The following RNF130 variants were observed in gnomAD, a reference collection of about 807,000 sequenced individuals.
The protein encoded by RNF130 is E3 ubiquitin-protein ligase RNF130.
A neutral mutation model predicts 44.6 loss-of-function variants in RNF130; 21 were observed. That is an observed-to-expected ratio of 0.47 (90% CI 0.33 to 0.68). RNF130 has a LOEUF of 0.68. Ranked by LOEUF, RNF130 falls within the 30% of genes least tolerant of loss-of-function variation. RNF130 has a pLI of 0.02. For missense variants in RNF130, 479 were observed against 560.6 expected, an observed-to-expected ratio of 0.85 and a Z score of 1.47; for synonymous variants, 214 against 210.4, an observed-to-expected ratio of 1.02 and a Z score of -0.15.
At chr5:180,047,512 A>C (rs536038562) in intron 1 of RNF130, among the ~76,000 whole-genome samples, 1 of 152,300 alleles carries the variant, frequency 6.6e-6, no homozygotes, top group Non-Finnish European at 1.5e-5. Flanking sequence ...TGGGAGGCCA[A>C]GGCAGGCAGA....
chr5:179,931,437 T>C (rs1761806849), intron 7 of RNF130, among the ~76,000 whole-genome samples: 1 of 152,184 alleles, frequency 6.6e-6, no homozygotes, highest in African/African-American at 2.4e-5. Context: ...TTTTTTCTTT[T>C]TTGTTGGCAG....
chr5:179,912,654 C>T (rs1031175187), exon 8 of RNF130: 1 of 152,290 alleles, frequency 6.6e-6, no homozygotes, highest in Non-Finnish European at 1.5e-5. Context: ...CAGCAATCCG[C>T]AGCCTTTCTG....
chr5:180,035,111 C>CT (rs1764216819), intron 2 of RNF130, among the ~76,000 whole-genome samples: 1 of 152,076 alleles, frequency 6.6e-6, no homozygotes, highest in Non-Finnish European at 1.5e-5. Flanking sequence ...GTTTGTTCCT[C>CT]TTTTTTATAG....
intron 7 of RNF130, among the ~76,000 whole-genome samples, chr5:179,923,011 G>A (rs140424843): frequency 1.3e-4 from 20 of 152,232 alleles, no homozygotes; most frequent in African/African-American, 4.8e-4. Flanking sequence ...CCTTGACATT[G>A]TTATAACAAT....
intron 3 of RNF130, among the ~76,000 whole-genome samples, chr5:179,998,561 G>A (rs1763252843): frequency 6.6e-6 from 1 of 152,042 alleles, no homozygotes; most frequent in Non-Finnish European, 1.5e-5. Context: ...ACCTTCCCAA[G>A]TAGCTGGGAC....
intron 7 of RNF130, among the ~76,000 whole-genome samples, chr5:179,925,712 T>C (rs929310214): frequency 1.3e-5 from 2 of 152,000 alleles, no homozygotes; most frequent in African/African-American, 4.8e-5. Context: ...AATGTTTCTT[T>C]TGTAGAGCCA....
At chr5:179,988,561 C>A (rs1909707) in intron 3 of RNF130, among the ~76,000 whole-genome samples, 1,595 of 152,310 alleles carry the variant, frequency 0.01, 14 homozygotes, top group Middle Eastern at 0.02. Context: ...CCTCTTAGCA[C>A]TGCTTTTGCT....
intron 5 of RNF130, among the ~76,000 whole-genome samples, chr5:179,970,977 G>A (rs1225811895): frequency 1.3e-5 from 2 of 152,184 alleles, no homozygotes; most frequent in African/African-American, 2.4e-5. Context: ...AAACTTCTAA[G>A]CAACTTATGT....
intron 3 of RNF130, among the ~76,000 whole-genome samples, chr5:179,985,385 A>C (rs1762931158): frequency 6.6e-6 from 1 of 152,044 alleles, no homozygotes; most frequent in African/African-American, 2.4e-5. Flanking sequence ...TACAGCATTA[A>C]ATGCTTTACA....
intron 7 of RNF130, among the ~76,000 whole-genome samples, chr5:179,935,071 T>A (rs1445470239): frequency 6.6e-6 from 1 of 152,244 alleles, no homozygotes; most frequent in Non-Finnish European, 1.5e-5. Context: ...TGAAACATTT[T>A]AAAATAATTT....
chr5:180,035,384 C>G (rs536079870), intron 2 of RNF130, among the ~76,000 whole-genome samples: 1 of 152,306 alleles, frequency 6.6e-6, no homozygotes, highest in South Asian at 2.1e-4. Context: ...CAATTTCAGT[C>G]TTTGAAAATA....
intron 3 of RNF130, among the ~76,000 whole-genome samples, chr5:179,981,740 G>C (rs570183200): frequency 6.6e-6 from 1 of 152,218 alleles, no homozygotes; most frequent in East Asian, 1.9e-4. Flanking sequence ...ATTTCCCTAG[G>C]TGTTTACAGA....
intron 2 of RNF130, among the ~76,000 whole-genome samples, chr5:180,029,019 G>A (rs865905561): frequency 6.6e-5 from 10 of 152,234 alleles, no homozygotes; most frequent in African/African-American, 9.6e-5. Flanking sequence ...TTAGGTAGAC[G>A]AGGATGCCAG....
At chr5:179,991,615 C>T (rs774651170) in intron 3 of RNF130, among the ~76,000 whole-genome samples, 6 of 152,126 alleles carry the variant, frequency 3.9e-5, no homozygotes, top group Non-Finnish European at 7.3e-5. Context: ...TTTTCTTCCA[C>T]TTGATCTAGA....
At chr5:180,041,564 C>CT (rs1327292030) in intron 1 of RNF130, among the ~76,000 whole-genome samples, 2 of 152,212 alleles carry the variant, frequency 1.3e-5, no homozygotes, top group Non-Finnish European at 2.9e-5. Flanking sequence ...CCCACTCCCA[C>CT]TTTCACATTT....
chr5:179,988,594 T>C (rs1246746520), intron 3 of RNF130, among the ~76,000 whole-genome samples: 1 of 150,088 alleles, frequency 6.7e-6, no homozygotes, highest in African/African-American at 2.4e-5. Context: ...TTTTGGTATG[T>C]TTTATTTCCA....
chr5:179,936,453 G>A (rs866996232), intron 7 of RNF130, among the ~76,000 whole-genome samples: 18 of 151,890 alleles, frequency 1.2e-4, no homozygotes, highest in African/African-American at 3.9e-4. Flanking sequence ...TGTCTTGAAC[G>A]CCTGAGCTCA....
chr5:179,933,977 T>C, intron 7 of RNF130: 1 of 370,910 alleles, frequency 2.7e-6, no homozygotes, highest in East Asian at 7.2e-5. Flanking sequence ...TGGGGCTGAT[T>C]ATGGCACACT....
chr5:179,974,089 T>C (rs1476740623), intron 5 of RNF130, among the ~76,000 whole-genome samples: 6 of 152,120 alleles, frequency 3.9e-5, no homozygotes, highest in African/African-American at 1.4e-4. Flanking sequence ...AGCCTCTTGG[T>C]GCCATGTAAG....
Sources: gnomAD v4.1 joint callset for allele counts (sites outside exome capture counted in the v4.1 genomes callset) on GRCh38, gnomAD v4.1.1 for gene constraint, MANE v1.5 for transcripts, NCBI Gene and HGNC (gene_info 2026-07-23, HGNC 2026-07-21) for gene names.